XKR4: variants seen among roughly 807,000 people sequenced by gnomAD.
XKR4 encodes the protein XK-related protein 4.
In XKR4, 12 loss-of-function variants were observed where a neutral mutation model predicts 53.9. The observed-to-expected ratio is 0.22, with a 90% CI of 0.14 to 0.36. The LOEUF is 0.36. Among genes scored for constraint, XKR4 ranks in the 10% least tolerant of loss-of-function variants. The pLI is 1.00. For synonymous variants in XKR4, 354 were observed against 362.4 expected (o/e 0.98, Z 0.26); for missense variants, 799 against 859.5 (o/e 0.93, Z 0.88).
intron 2 of XKR4, chr8:55,453,278 C>G (rs1805486166): frequency 6.1e-6 from 3 of 488,334 alleles, no homozygotes; most frequent in South Asian, 4.6e-5. Flanking sequence ...CAGAGAAGTG[C>G]AGTCCTGCAG....
chr8:55,458,559 A>C (rs1805604671), intron 2 of XKR4, among the ~76,000 whole-genome samples: 1 of 152,254 alleles, frequency 6.6e-6, no homozygotes, highest in Non-Finnish European at 1.5e-5. Context: ...GTCAGGTTGC[A>C]TGAATGAATT....
chr8:55,405,018 G>C (rs534722280), intron 2 of XKR4, among the ~76,000 whole-genome samples: 11 of 152,248 alleles, frequency 7.2e-5, no homozygotes, highest in African/African-American at 2.2e-4. Context: ...AAAAATGTCT[G>C]GTACAATTTG....
intron 2 of XKR4, among the ~76,000 whole-genome samples, chr8:55,457,836 T>C (rs771620365): frequency 1.1e-4 from 17 of 152,208 alleles, no homozygotes; most frequent in Non-Finnish European, 1.9e-4. Flanking sequence ...GATATGTGTG[T>C]GTATTTATTT....
intron 1 of XKR4, among the ~76,000 whole-genome samples, chr8:55,348,880 A>G (rs890438842): frequency 5.3e-5 from 8 of 152,210 alleles, no homozygotes; most frequent in Non-Finnish European, 5.9e-5. Context: ...AGATAGACAT[A>G]TAGAACTAGA....
At chr8:55,318,827 A>T (rs530734157) in intron 1 of XKR4, among the ~76,000 whole-genome samples, 1 of 152,346 alleles carries the variant, frequency 6.6e-6, no homozygotes, top group South Asian at 2.1e-4. Flanking sequence ...ACTTTGCAGG[A>T]AAAGAGTTGT....
At chr8:55,436,080 G>A (rs564235493) in intron 2 of XKR4, among the ~76,000 whole-genome samples, 11 of 152,172 alleles carry the variant, frequency 7.2e-5, no homozygotes, top group African/African-American at 2.2e-4. Flanking sequence ...TTTTTCCTGC[G>A]TATGGAATTC....
intron 1 of XKR4, among the ~76,000 whole-genome samples, chr8:55,341,916 C>T (rs1452933731): frequency 6.6e-6 from 1 of 152,034 alleles, no homozygotes; most frequent in Non-Finnish European, 1.5e-5. Flanking sequence ...TTAAGGCTGG[C>T]ACTGTAAGTG....
intron 1 of XKR4, among the ~76,000 whole-genome samples, chr8:55,125,846 T>A (rs926074475): frequency 6.6e-6 from 1 of 152,142 alleles, no homozygotes; most frequent in South Asian, 2.1e-4. Context: ...GTTTTAAAAT[T>A]CTGTTTGTAT....
intron 2 of XKR4, among the ~76,000 whole-genome samples, chr8:55,411,373 C>T (rs1033590999): frequency 2.0e-5 from 3 of 152,208 alleles, no homozygotes; most frequent in Admixed American, 2.0e-4. Flanking sequence ...GGCACATTTA[C>T]GTGCTCAGTG....
chr8:55,464,493 A>G (rs1477760348), intron 2 of XKR4, among the ~76,000 whole-genome samples: 1 of 152,150 alleles, frequency 6.6e-6, no homozygotes, highest in African/African-American at 2.4e-5. Context: ...AATAAGAGCT[A>G]TCTATGACAA....
At chr8:55,294,346 T>A (rs886449882) in intron 1 of XKR4, among the ~76,000 whole-genome samples, 2 of 152,226 alleles carry the variant, frequency 1.3e-5, no homozygotes, top group African/African-American at 4.8e-5. Context: ...CCCATCTTGA[T>A]CAAGTGTGTT....
At position 55,327,643 on chromosome 8, in the gene XKR4, T is replaced by C. The variant is rs1260955550; in HGVS notation, c.807-30035T>C. 1.7e-4 allele frequency among the ~76,000 whole-genome samples: 26 copies of C among 152,330 alleles called. No homozygotes were observed. The South Asian group carries it at 3.9e-3, about 23-fold the overall frequency. The stretch of plus-strand genomic sequence containing the variant: ...ACTTGAATGAGACCTTGCAATCAAA[T>C]AGTATTTGTGTCTTTTAATACATAT... On this transcript the variant is annotated intron_variant, in intron 1 of 2. Coordinates refer to ENST00000327381, the MANE Select transcript of XKR4 (RefSeq NM_052898.2).
chr8:55,399,789 C>A (rs1451445203), intron 2 of XKR4, among the ~76,000 whole-genome samples: 1 of 152,178 alleles, frequency 6.6e-6, no homozygotes, highest in African/African-American at 2.4e-5. Flanking sequence ...GCGAGTTAAC[C>A]TAAGAACAGA....
chr8:55,470,526 G>A (rs1010263270), intron 2 of XKR4, among the ~76,000 whole-genome samples: 1 of 152,168 alleles, frequency 6.6e-6, no homozygotes, highest in Admixed American at 6.5e-5. Context: ...CCCCACTCAT[G>A]TGGAAGTGGG....
chr8:55,454,824 G>A (rs1260211979), intron 2 of XKR4: 10 of 767,670 alleles, frequency 1.3e-5, no homozygotes, highest in Non-Finnish European at 1.7e-5. Flanking sequence ...CGACAGGTGC[G>A]TAAGGCCTCC....
chr8:55,149,970 A>AG (rs1816820143), intron 1 of XKR4, among the ~76,000 whole-genome samples: 1 of 152,190 alleles, frequency 6.6e-6, no homozygotes, highest in Non-Finnish European at 1.5e-5. Flanking sequence ...CCACGGTTCA[A>AG]GGGGAAAACC....
Position 55,103,114 on chromosome 8 carries a change from C to A in XKR4, c.626C>A (p.Pro209His). 1 of 1,613,462 alleles carries A rather than the reference C, an allele frequency of 6.2e-7. No individual in the cohort carries two copies. Among genetic ancestry groups the A allele is most frequent in the Non-Finnish European group, 8.5e-7 (1 of 1,179,982 alleles). The change falls in exon 1 of 3, where the codon CCT becomes CAT. Residue 209 changes from proline to histidine, a missense_variant. Pro to His is a moderately conservative substitution (Grantham distance 77). Transcript: ENST00000327381. ...GCAGCCGGGGAAGGCGAGGCTCGTC[C>A]TTCCACGCCGCAAAGGCAAGCATCT... ...GSAAGEGEAR[P>H]STPQRQASNA...
intron 1 of XKR4, among the ~76,000 whole-genome samples, chr8:55,178,056 C>A (rs1440973651): frequency 1.3e-5 from 2 of 152,188 alleles, no homozygotes; most frequent in African/African-American, 4.8e-5. Flanking sequence ...AGGAGAGAAG[C>A]CACTGTCAGC....
In XKR4 at chr8:55,536,028, G is replaced by A. The variant is rs1490656145; in HGVS notation, c.*11801G>A. 1 of 152,170 alleles carries A rather than the reference G, an allele frequency of 6.6e-6. No homozygotes were observed. The highest frequency in any genetic ancestry group is 2.4e-5 in the African/African-American group (1 of 41,430). 9.4% of individuals were successfully genotyped at this position (152,170 alleles called of 1,614,324 possible). ...CTCCTTTTAACAGCAATGAGATTCA[G>A]GGTTACCATGGCCTTACTCATCTTC... On this transcript the variant is annotated 3_prime_UTR_variant, in exon 3 of 3. Transcript: ENST00000327381.
Sources: gnomAD v4.1 joint callset for allele counts (sites outside exome capture counted in the v4.1 genomes callset) on GRCh38, gnomAD v4.1.1 for gene constraint, MANE v1.5 for transcripts, NCBI Gene and HGNC (gene_info 2026-07-23, HGNC 2026-07-21) for gene names.